Variants in TANC1 observed in about 807,000 individuals in gnomAD.
TANC1 encodes the protein tetratricopeptide repeat, ankyrin repeat and coiled-coil containing 1.
In TANC1, 77 loss-of-function variants were observed where a neutral mutation model predicts 149.7. The observed-to-expected ratio is 0.51, with a 90% CI of 0.43 to 0.62. TANC1 has a LOEUF of 0.62. TANC1 is among the 20% of genes least tolerant of loss of function. The pLI, the probability that TANC1 is intolerant of heterozygous loss-of-function variation, is 0.00. For synonymous variants in TANC1, 854 were observed against 925.0 expected (o/e 0.92, Z 1.39); for missense variants, 1,985 against 2,321.8 (o/e 0.85, Z 2.98).
intron 3 of TANC1, among the ~76,000 whole-genome samples, chr2:159,095,346 A>G (rs1478837720): frequency 6.6e-6 from 1 of 152,186 alleles, no homozygotes; most frequent in Non-Finnish European, 1.5e-5. Context: ...CCGTCCATGC[A>G]TAGGTAACCC....
chr2:159,134,470 A>T (rs2050441819), intron 4 of TANC1, among the ~76,000 whole-genome samples: 1 of 150,752 alleles, frequency 6.6e-6, no homozygotes, highest in Non-Finnish European at 1.5e-5. Context: ...GCACCCAGCT[A>T]ACTTTGTTTA....
chr2:159,219,845 C>T lies in TANC1; in HGVS notation c.3656C>T (p.Ala1219Val). Residue 1219 changes from alanine (A) to valine (V), a missense_variant, in exon 22 of 27, where the codon GCC becomes GTC. By Grantham distance (64) the Ala-to-Val change is moderately conservative (BLOSUM62 0). Transcript: ENST00000263635. ...KNGRTPLDLAAFYGDAETVLY... is the reference protein window; with the variant it reads ...KNGRTPLDLAVFYGDAETVLY... ...GGCCGCACACCCTTGGACCTGGCTG[C>T]CTTCTATGGCGATGCCGAGACTGTG... The T allele has an allele frequency of 6.2e-7, 1 of 1,613,346 alleles. No homozygotes were observed. Among genetic ancestry groups the T allele is most frequent in the South Asian group, 1.1e-5 (1 of 91,040 alleles).
intron 2 of TANC1, among the ~76,000 whole-genome samples, chr2:159,064,967 T>G (rs868357604): frequency 3.3e-5 from 5 of 152,188 alleles, no homozygotes; most frequent in South Asian, 4.2e-4. Context: ...AGAGACCTGC[T>G]TGCCTTCTAC....
rs144820073 is a variant in TANC1 at position 159,044,732 on chromosome 2, C to T, written c.-15-21164C>T. On this transcript the variant is annotated intron_variant, in intron 2 of 26. Coordinates refer to ENST00000263635, the MANE Select transcript of TANC1 (RefSeq NM_033394.3). ...ACTGGGGGCATTGGAGACACCGGCT[C>T]GCTTCTCCATGGGTGTTGGAAATAC... Among the ~76,000 whole-genome samples the T allele has an allele frequency of 3.1e-3, 465 of 152,214 alleles. 4 individuals carry two copies. The highest frequency in any genetic ancestry group is 0.01 in the African/African-American group (427 of 41,532).
intron 5 of TANC1, among the ~76,000 whole-genome samples, chr2:159,146,170 C>T (rs1425747117): frequency 6.6e-6 from 1 of 152,170 alleles, no homozygotes; most frequent in Non-Finnish European, 1.5e-5. Context: ...CAAGATGGCT[C>T]AGTGACACTT....
chr2:159,018,931 G>A (rs1318846602), intron 2 of TANC1, among the ~76,000 whole-genome samples: 1 of 152,160 alleles, frequency 6.6e-6, no homozygotes, highest in Non-Finnish European at 1.5e-5. Context: ...ATGCCTTCTC[G>A]GGCATGAAGG....
At chr2:159,122,086 C>T (rs781609236) in intron 4 of TANC1, among the ~76,000 whole-genome samples, 3 of 152,198 alleles carry the variant, frequency 2.0e-5, no homozygotes, top group East Asian at 1.9e-4. Flanking sequence ...TACAGGCACA[C>T]GCCACCACAC....
chr2:159,098,755 C>G (rs2046380983), intron 4 of TANC1, among the ~76,000 whole-genome samples: 2 of 151,938 alleles, frequency 1.3e-5, no homozygotes, highest in South Asian at 4.1e-4. Flanking sequence ...CAAAACAGAA[C>G]TTTGAGAGGT....
chr2:159,133,062 C>T (rs924305579), intron 4 of TANC1, among the ~76,000 whole-genome samples: 6 of 152,170 alleles, frequency 3.9e-5, no homozygotes, highest in African/African-American at 1.4e-4. Flanking sequence ...TTTGAAGACT[C>T]TCTTGGGTAG....
In TANC1 at chr2:159,232,297, A is replaced by G. The variant is rs1051461704; in HGVS notation, c.*1285A>G. On this transcript the variant is annotated 3_prime_UTR_variant, in exon 27 of 27. Transcript: ENST00000263635. Reference sequence around the variant, plus strand: ...AGATGTTAAAATGCTAATTTGAGAGAAGTAGGAGTGTATCTGTTTTATATG... The same window carrying G: ...AGATGTTAAAATGCTAATTTGAGAGGAGTAGGAGTGTATCTGTTTTATATG... 1.3e-5 allele frequency: 2 copies of G among 152,606 alleles called. No individual in the cohort carries two copies. Among genetic ancestry groups the G allele is most frequent in the African/African-American group, 4.8e-5 (2 of 41,442 alleles). The allele number at this position is 152,606 out of a possible 1,614,324, so 9.5% of individuals were successfully genotyped here. A position where few individuals can be genotyped will look rare whatever the true frequency, so the allele number is the denominator to read the frequency against.
chr2:159,054,465 T>C (rs2041701819), intron 2 of TANC1, among the ~76,000 whole-genome samples: 1 of 152,108 alleles, frequency 6.6e-6, no homozygotes, highest in Non-Finnish European at 1.5e-5. Context: ...AATTAGGGCC[T>C]GGGGAGGTTA....
Position 159,132,738 on chromosome 2 carries a change from C to T in TANC1, c.260-3456C>T, listed in dbSNP as rs1277294565. On this transcript the variant is annotated intron_variant, in intron 4 of 26. Coordinates refer to ENST00000263635, the MANE Select transcript of TANC1 (RefSeq NM_033394.3). ...GGTCTGGAACTCATGAGGCAATCCA[C>T]CCACCTCGGCCTCCCAAAGTGCTGG... Among the ~76,000 whole-genome samples, 4 of 151,334 alleles carry T rather than the reference C, an allele frequency of 2.6e-5. No homozygotes were observed. The East Asian group carries it at 5.8e-4, about 22-fold the overall frequency.
At chr2:159,020,340 C>T (rs1391620660) in intron 2 of TANC1, among the ~76,000 whole-genome samples, 1 of 152,148 alleles carries the variant, frequency 6.6e-6, no homozygotes, top group Non-Finnish European at 1.5e-5. Context: ...TCTTGAACTC[C>T]TGGCCTCAAG....
chr2:159,059,018 A>G (rs1347790567), intron 2 of TANC1, among the ~76,000 whole-genome samples: 1 of 152,202 alleles, frequency 6.6e-6, no homozygotes, highest in African/African-American at 2.4e-5. Flanking sequence ...GTGACTGTAA[A>G]TTTACTATGC....
intron 1 of TANC1, among the ~76,000 whole-genome samples, chr2:158,980,630 C>G (rs961702280): frequency 6.6e-6 from 1 of 151,982 alleles, no homozygotes; most frequent in Non-Finnish European, 1.5e-5. Context: ...CAAAAAATAG[C>G]CGGGCATGGT....
At chr2:159,050,024 A>G (rs2041352525) in intron 2 of TANC1, among the ~76,000 whole-genome samples, 1 of 152,226 alleles carries the variant, frequency 6.6e-6, no homozygotes, top group Admixed American at 6.5e-5. Flanking sequence ...AGACCCAAGA[A>G]TAGACTGATA....
chr2:159,197,448 A>G (rs1304367173), intron 18 of TANC1, among the ~76,000 whole-genome samples: 1 of 152,156 alleles, frequency 6.6e-6, no homozygotes. Context: ...TCTTCAAGCA[A>G]TTAGAGGTGC....
intron 4 of TANC1, among the ~76,000 whole-genome samples, chr2:159,134,991 T>C (rs749902456): frequency 1.3e-4 from 20 of 152,188 alleles, no homozygotes; most frequent in Non-Finnish European, 2.6e-4. Flanking sequence ...AAGCATACAA[T>C]AGACTAATTT....
intron 4 of TANC1, among the ~76,000 whole-genome samples, chr2:159,110,021 A>G (rs1057341073): frequency 6.6e-6 from 1 of 152,252 alleles, no homozygotes; most frequent in African/African-American, 2.4e-5. Flanking sequence ...AAAGAAATTC[A>G]TGGTAGTTTT....
Sources: allele counts gnomAD v4.1 joint callset (sites outside exome capture counted in the v4.1 genomes callset), GRCh38; gene constraint gnomAD v4.1.1; transcripts MANE v1.5; gene names NCBI Gene and HGNC (gene_info 2026-07-23, HGNC 2026-07-21).